Variants in TBL2 observed in about 807,000 individuals in gnomAD.
The protein encoded by TBL2 is transducin beta like 2, also known as transducin beta-like protein 2.
TBL2 carries 33 observed loss-of-function variants against 41.8 expected under a neutral mutation model. That is an observed-to-expected ratio of 0.79 (90% CI 0.60 to 1.06). TBL2 has a LOEUF of 1.06. Among genes scored for constraint, TBL2 ranks in the 50% least tolerant of loss-of-function variants. The pLI is 0.00. For missense variants in TBL2, 522 were observed against 603.8 expected, an observed-to-expected ratio of 0.86 and a Z score of 1.42; for synonymous variants, 239 against 241.7, an observed-to-expected ratio of 0.99 and a Z score of 0.10.
intron 1 of TBL2, chr7:73,576,896 A>AC (rs1178303447): frequency 2.8e-6 from 1 of 351,692 alleles, no homozygotes; most frequent in African/African-American, 2.2e-5. Context: ...ATCCTTTGAG[A>AC]CCCCACACTA....
chr7:73,574,338 G>GGGGCTGAGTCTCAGGGTGC (rs1793159497), intron 2 of TBL2, 45 bp downstream of exon 2: 2 of 1,610,054 alleles, frequency 1.2e-6, no homozygotes, highest in Admixed American at 3.4e-5. Context: ...AAAAGCCTGT[G>GGGGCTGAGTCTCAGGGTGC]GGGCTGAGTC....
rs781892510 is a variant in TBL2, at chr7:73,574,378, C to T, written c.261+5G>A. The T allele has an allele frequency of 1.1e-5, 18 of 1,612,858 alleles. No homozygotes were observed. Among genetic ancestry groups the T allele is most frequent in the Middle Eastern group, 2.0e-4 (1 of 5,110 alleles). ...GGTGCACGCTGTGCCAGGTACCCCA[C>T]GTACCTTCAGAGCTGCAGCCAGGAG... is the stretch of plus-strand genomic sequence containing the variant. On this transcript the variant is annotated splice_donor_5th_base_variant and intron_variant, in intron 2 of 6. Transcript: ENST00000305632.
intron 4 of TBL2, 168 bp from the exon 5 acceptor site, chr7:73,573,138 C>T (rs1224938058): frequency 2.2e-6 from 3 of 1,361,994 alleles, no homozygotes; most frequent in African/African-American, 2.9e-5. Flanking sequence ...CCCCACCTTC[C>T]CTAGGGACCT....
chr7:73,571,231 G>A lies in TBL2; in HGVS notation c.836C>T (p.Ser279Phe), dbSNP rs1554587482. Residue 279 changes from serine to phenylalanine, a missense_variant, in exon 6 of 7, where the codon TCC becomes TTC. By Grantham distance (155) the Ser-to-Phe change is radical. Coordinates refer to ENST00000305632, the MANE Select transcript of TBL2 (RefSeq NM_012453.4). Reference sequence around the variant, plus strand: ...GAAAGCAAACGAGTGCACAGCCGCGGAGTGGCCCTTTAGTTCGAAGGCTCG... The same window carrying A: ...GAAAGCAAACGAGTGCACAGCCGCGAAGTGGCCCTTTAGTTCGAAGGCTCG... ...VVRAFELKGH[S>F]AAVHSFAFSN... 3.1e-6 allele frequency: 5 copies of A among 1,614,232 alleles called. No individual in the cohort carries two copies. The South Asian group carries it at 5.5e-5, about 18-fold the overall frequency.
intron 1 of TBL2, chr7:73,576,736 T>G (rs1563455890): frequency 6.6e-6 from 3 of 456,412 alleles, no homozygotes; most frequent in Admixed American, 4.7e-5. Flanking sequence ...TGTCCTCTGC[T>G]TCCTTCTCTC....
chr7:73,570,726 A>AC lies in TBL2; in HGVS notation c.1124dup (p.Cys375TrpfsTer8), dbSNP rs1244216058. 2.5e-6 allele frequency: 4 copies of AC among 1,614,066 alleles called. No individual in the cohort carries two copies. The highest frequency in any genetic ancestry group is 3.4e-6 in the Non-Finnish European group (4 of 1,180,038). The stretch of plus-strand genomic sequence containing the variant: ...TGATGTCAAAGGACAAGTTGGCGAT[A>AC]CACTCGCCATGGACCCGCTCAAAGC... On this transcript the variant is annotated frameshift_variant, in exon 7 of 7. Transcript: ENST00000305632. LOFTEE classifies it high-confidence loss of function.
In TBL2 at chr7:73,570,975, G is replaced by A. The variant is rs199828921; in HGVS notation, c.879-3C>T. The A allele has an allele frequency of 6.6e-4, 1,045 of 1,592,812 alleles. 2 individuals carry two copies. The highest frequency in any genetic ancestry group is 8.1e-4 in the Non-Finnish European group (947 of 1,168,164). Reference sequence around the variant, plus strand: ...CATCCTTGGAGACAGAAGCCATCCTGCAACACAGAAAATCACAGCTCAAGC... The same window carrying A: ...CATCCTTGGAGACAGAAGCCATCCTACAACACAGAAAATCACAGCTCAAGC... On this transcript the variant is annotated splice_polypyrimidine_tract_variant and splice_region_variant and intron_variant, in intron 6 of 6. Transcript: ENST00000305632.
At chr7:73,576,975 C>T (rs1793360580) in intron 1 of TBL2, among the ~76,000 whole-genome samples, 2 of 151,780 alleles carry the variant, frequency 1.3e-5, no homozygotes, top group South Asian at 2.1e-4. Context: ...GAACAGGACT[C>T]GGCCAGGCAG....
At chr7:73,573,042 A>G in intron 4 of TBL2, 72 bp from the exon 5 acceptor site, 1 of 1,600,308 alleles carries the variant, frequency 6.2e-7, no homozygotes, top group South Asian at 1.1e-5. Flanking sequence ...AGACACTTAC[A>G]AGGCCTCTGC....
rs1792885282 is a variant in TBL2 at position 73,570,789 on chromosome 7, A to G, written c.1062T>C (p.Ile354=). 1 of 1,613,996 alleles carries G rather than the reference A, an allele frequency of 6.2e-7. No homozygotes were observed. Among genetic ancestry groups the G allele is most frequent in the Admixed American group, 1.7e-5 (1 of 60,014 alleles). ...CGCCCCGCCGGGTATTGTAGAGATG[A>G]ATACTACTGCCACTGGCCAAGGCCA... ...QVLALASGSS[I]HLYNTRRGEK... is the part of the protein sequence containing the mutation. Residue 354 remains isoleucine, a synonymous_variant, in exon 7 of 7, where the codon ATT becomes ATC. Coordinates refer to ENST00000305632, the MANE Select transcript of TBL2 (RefSeq NM_012453.4).
intron 1 of TBL2, chr7:73,578,179 G>T: frequency 6.9e-7 from 1 of 1,447,978 alleles, no homozygotes; most frequent in Non-Finnish European, 9.2e-7. Context: ...CCTGGCCTCG[G>T]CCACAGAGAA....
At position 73,568,135 on chromosome 7, in the gene TBL2, T is replaced by C. The variant is rs1792719363; in HGVS notation, c.*2372A>G. Reference sequence around the variant, plus strand: ...ACAATGGAGACTGGGAGTGGGAAGATGCGCGGAGAAGATACTGGGAGGTCT... The same window carrying C: ...ACAATGGAGACTGGGAGTGGGAAGACGCGCGGAGAAGATACTGGGAGGTCT... On this transcript the variant is annotated 3_prime_UTR_variant, in exon 7 of 7. Transcript: ENST00000305632. Among the ~76,000 whole-genome samples the C allele has an allele frequency of 6.6e-6, 1 of 152,144 alleles. No individual in the cohort carries two copies. The highest frequency in any genetic ancestry group is 6.6e-5 in the Admixed American group (1 of 15,266).
chr7:73,574,739 T>A lies in TBL2; in HGVS notation c.131-226A>T, dbSNP rs781869494. ...GCTTTGGATCATTTGAGCCCAGGAG[T>A]TCGAGGCTGCAGTAAGCTATGATCA... On this transcript the variant is annotated intron_variant, in intron 1 of 6. Transcript: ENST00000305632. 89 of 618,676 alleles carry A rather than the reference T, an allele frequency of 1.4e-4. No individual in the cohort carries two copies. The East Asian group carries it at 2.4e-3, about 17-fold the overall frequency. 38.3% of individuals were successfully genotyped at this position (618,676 alleles called of 1,614,324 possible).
Position 73,568,652 on chromosome 7 carries a change from G to C in TBL2, c.*1855C>G, listed in dbSNP as rs1792742640. ...GGATTAAGTGTTTTTAGCTAGGCAC[G>C]ATGGCTCACACCTGTAATCCCAGCA... On this transcript the variant is annotated 3_prime_UTR_variant, in exon 7 of 7. Transcript: ENST00000305632. Among the ~76,000 whole-genome samples the C allele has an allele frequency of 6.6e-6, 1 of 152,182 alleles. No individual in the cohort carries two copies. Among genetic ancestry groups the C allele is most frequent in the Admixed American group, 6.6e-5 (1 of 15,264 alleles).
In TBL2 at chr7:73,573,342, G is replaced by A. The variant is rs781831446; in HGVS notation, c.576C>T (p.Ile192=). 6.2e-6 allele frequency: 10 copies of A among 1,614,080 alleles called. No homozygotes were observed. The highest frequency in any genetic ancestry group is 3.3e-4 in the Middle Eastern group (2 of 6,084). The change falls in exon 4 of 7, where the codon ATC becomes ATT. Residue 192 remains isoleucine (I), a synonymous_variant. Coordinates refer to ENST00000305632, the MANE Select transcript of TBL2 (RefSeq NM_012453.4). ...DFPKKHKAPV[I]DIGIANTGKF... ...TACCTGTGTTAGCAATGCCAATGTCGATGACAGGCGCCTTGTGCTTTTTAG... is the reference window on the plus strand; with the variant it reads ...TACCTGTGTTAGCAATGCCAATGTCAATGACAGGCGCCTTGTGCTTTTTAG...
rs782350246 is a variant in TBL2, at chr7:73,574,433, TCTC to T, written c.208_210del (p.Glu70del). 3.1e-6 allele frequency: 5 copies of T among 1,613,974 alleles called. No homozygotes were observed. The highest frequency in any genetic ancestry group is 1.7e-5 in the Admixed American group (1 of 59,980). ...TGGGTGAAGTTGTGTTGTTGAGGCT[TCTC>T]CTTCCGAATCCGCTGATATTGTTTC... On this transcript the variant is annotated inframe_deletion, in exon 2 of 7. Transcript: ENST00000305632.
chr7:73,570,864 C>CG lies in TBL2; in HGVS notation c.986dup (p.Ala330GlyfsTer24). On this transcript the variant is annotated frameshift_variant, in exon 7 of 7. Coordinates refer to ENST00000305632, the MANE Select transcript of TBL2 (RefSeq NM_012453.4). LOFTEE classifies it high-confidence loss of function. ...CCAGGCGGCACGGCGCGGCACCCGCCGCCTCTTCAAAGCGGCCTGTCTTCA... is the reference window on the plus strand; with the variant it reads ...CCAGGCGGCACGGCGCGGCACCCGCCGGCCTCTTCAAAGCGGCCTGTCTTCA... The CG allele has an allele frequency of 6.2e-7, 1 of 1,613,876 alleles. No individual in the cohort carries two copies. The highest frequency in any genetic ancestry group is 8.5e-7 in the Non-Finnish European group (1 of 1,180,028).
chr7:73,572,145 T>C (rs1241546595), intron 5 of TBL2: 2 of 159,996 alleles, frequency 1.3e-5, no homozygotes, highest in East Asian at 1.9e-4. Context: ...TTCTAAGATA[T>C]GTAACATCCC....
rs1173478022 is a variant in TBL2 at position 73,568,421 on chromosome 7, G to T, written c.*2086C>A. ...AGCTTCTGTGAAGCAATTTCTGCTGGATTCCTGAATAAGTAGCAGCCACCC... is the reference window on the plus strand; with the variant it reads ...AGCTTCTGTGAAGCAATTTCTGCTGTATTCCTGAATAAGTAGCAGCCACCC... On this transcript the variant is annotated 3_prime_UTR_variant, in exon 7 of 7. Transcript: ENST00000305632. 6.6e-6 allele frequency among the ~76,000 whole-genome samples: 1 copy of T among 152,094 alleles called. No individual in the cohort carries two copies. Among genetic ancestry groups the T allele is most frequent in the Non-Finnish European group, 1.5e-5 (1 of 68,022 alleles).
Sources: gnomAD v4.1 joint callset for allele counts (sites outside exome capture counted in the v4.1 genomes callset) on GRCh38, gnomAD v4.1.1 for gene constraint, MANE v1.5 for transcripts, NCBI Gene and HGNC (gene_info 2026-07-23, HGNC 2026-07-21) for gene names.